The following INSYN2B variants were observed in gnomAD, a reference collection of about 807,000 sequenced individuals.
INSYN2B encodes the protein inhibitory synaptic factor family member 2B.
INSYN2B carries 16 observed loss-of-function variants against 41.2 expected under a neutral mutation model. That is an observed-to-expected ratio of 0.39 (90% confidence interval 0.26 to 0.59). The LOEUF is 0.59. INSYN2B is among the 20% of genes least tolerant of loss of function. INSYN2B has a pLI of 0.57. For synonymous variants in INSYN2B, 245 were observed against 244.4 expected (o/e 1.00, Z -0.02); for missense variants, 608 against 646.4 (o/e 0.94, Z 0.64).
At chr5:169,910,425 T>C (rs748146150) in intron 1 of INSYN2B, among the ~76,000 whole-genome samples, 3 of 152,190 alleles carry the variant, frequency 2.0e-5, no homozygotes, top group Non-Finnish European at 4.4e-5. Context: ...GATTTATTGC[T>C]TACTCTCTTA....
Position 169,954,796 on chromosome 5 carries a change from C to T in INSYN2B, c.-919+25481G>A, listed in dbSNP as rs535142727. Among the ~76,000 whole-genome samples the T allele has an allele frequency of 9.9e-5, 15 of 152,238 alleles. No individual in the cohort carries two copies. The East Asian group carries it at 1.2e-3, about 12-fold the overall frequency. On this transcript the variant is annotated intron_variant, in intron 1 of 3. Coordinates refer to ENST00000377365, the MANE Select transcript of INSYN2B (RefSeq NM_001129891.3). ...GGGGAGTGACCTCATGAGAGGTCAA[C>T]GCAGCTGATGCTGGGAAGGCTCATA...
intron 1 of INSYN2B, among the ~76,000 whole-genome samples, chr5:169,965,580 G>A (rs1246793978): frequency 6.6e-6 from 1 of 152,164 alleles, no homozygotes; most frequent in African/African-American, 2.4e-5. Context: ...GATCACCCAG[G>A]GAGCGTTAAA....
At chr5:169,912,142 GA>G (rs1279076848) in intron 1 of INSYN2B, among the ~76,000 whole-genome samples, 1 of 152,194 alleles carries the variant, frequency 6.6e-6, no homozygotes, top group Non-Finnish European at 1.5e-5. Flanking sequence ...ATAAAAAAAG[GA>G]AAGCGACTAT....
intron 1 of INSYN2B, chr5:169,934,948 G>A (rs535714809): frequency 4.8e-5 from 15 of 311,228 alleles, no homozygotes; most frequent in African/African-American, 2.7e-4. Context: ...AAGTGATTGT[G>A]CTATGCTGGA....
chr5:169,900,236 A>G (rs1210839324), intron 1 of INSYN2B, among the ~76,000 whole-genome samples: 1 of 152,214 alleles, frequency 6.6e-6, no homozygotes, highest in East Asian at 1.9e-4. Flanking sequence ...CCACCATCCC[A>G]GGCCCTAACC....
intron 1 of INSYN2B, among the ~76,000 whole-genome samples, chr5:169,935,507 G>A (rs1365941382): frequency 2.0e-5 from 3 of 152,146 alleles, no homozygotes; most frequent in Non-Finnish European, 4.4e-5. Flanking sequence ...TGCCACCTCT[G>A]GACAGCAGCC....
chr5:169,903,680 G>A (rs140810993), intron 1 of INSYN2B, among the ~76,000 whole-genome samples: 50 of 152,248 alleles, frequency 3.3e-4, no homozygotes, highest in African/African-American at 1.2e-3. Context: ...ACTTCCTAGA[G>A]GGTCGAACTT....
At position 169,963,288 on chromosome 5, in the gene INSYN2B, A is replaced by T. The variant is rs564887501; in HGVS notation, c.-919+16989T>A. Among the ~76,000 whole-genome samples, 3 of 152,150 alleles carry T rather than the reference A, an allele frequency of 2.0e-5. No individual in the cohort carries two copies. The East Asian group carries it at 5.8e-4, about 29-fold the overall frequency. On this transcript the variant is annotated intron_variant, in intron 1 of 3. Transcript: ENST00000377365. ...GATGACAGATCCCTTATTTTCTCTA[A>T]ATCAAATTAAATCCAACCCACAGCA...
At chr5:169,967,404 G>C (rs1777342536) in intron 1 of INSYN2B, among the ~76,000 whole-genome samples, 1 of 152,248 alleles carries the variant, frequency 6.6e-6, no homozygotes, top group South Asian at 2.1e-4. Flanking sequence ...CATGTGGTCA[G>C]GCTGTCAGAG....
intron 3 of INSYN2B, among the ~76,000 whole-genome samples, chr5:169,879,645 G>T (rs568173821): frequency 4.5e-4 from 68 of 152,182 alleles, no homozygotes; most frequent in Non-Finnish European, 5.4e-4. Flanking sequence ...TTAAGTGCTA[G>T]AAAAATGCAA....
intron 1 of INSYN2B, among the ~76,000 whole-genome samples, chr5:169,948,727 C>T (rs1272377374): frequency 2.0e-5 from 3 of 151,958 alleles, no homozygotes; most frequent in Middle Eastern, 3.4e-3. Flanking sequence ...ATTCTCCCAC[C>T]TCAGCCTCCC....
At chr5:169,943,074 T>A (rs1776304603) in intron 1 of INSYN2B, among the ~76,000 whole-genome samples, 1 of 152,212 alleles carries the variant, frequency 6.6e-6, no homozygotes, top group African/African-American at 2.4e-5. Flanking sequence ...TGCAGGTCTT[T>A]GGAACGCTCT....
intron 1 of INSYN2B, among the ~76,000 whole-genome samples, chr5:169,977,179 C>A (rs1777745785): frequency 6.6e-6 from 1 of 152,210 alleles, no homozygotes; most frequent in Non-Finnish European, 1.5e-5. Context: ...AAAGAACTGT[C>A]CCAGCATGCT....
At chr5:169,947,076 G>T (rs540459528) in intron 1 of INSYN2B, among the ~76,000 whole-genome samples, 1 of 152,264 alleles carries the variant, frequency 6.6e-6, no homozygotes, top group East Asian at 1.9e-4. Flanking sequence ...TGCAACATAC[G>T]TTTATCTTTA....
At chr5:169,902,522 C>G (rs902615800) in intron 1 of INSYN2B, among the ~76,000 whole-genome samples, 2 of 152,132 alleles carry the variant, frequency 1.3e-5, no homozygotes, top group African/African-American at 4.8e-5. Context: ...AGAGTGGTTT[C>G]TGGAAGGGAC....
At chr5:169,920,082 T>C (rs1169647696) in intron 1 of INSYN2B, among the ~76,000 whole-genome samples, 5 of 152,190 alleles carry the variant, frequency 3.3e-5, no homozygotes, top group African/African-American at 9.7e-5. Context: ...TGATTTTATC[T>C]CCGGTGAATA....
intron 1 of INSYN2B, among the ~76,000 whole-genome samples, chr5:169,910,292 G>A (rs758484459): frequency 6.6e-6 from 1 of 152,156 alleles, no homozygotes; most frequent in African/African-American, 2.4e-5. Context: ...GGTTACCACC[G>A]CATGGAATAT....
At chr5:169,938,237 TTTAGCACAA>T (rs1334335360) in intron 1 of INSYN2B, among the ~76,000 whole-genome samples, 1 of 152,034 alleles carries the variant, frequency 6.6e-6, no homozygotes, top group Non-Finnish European at 1.5e-5. Context: ...TTTTTTTTTT[TTTAGCACAA>T]AAGTAAATGT....
chr5:169,972,542 C>CAGAT (rs143089504), intron 1 of INSYN2B, among the ~76,000 whole-genome samples: 6,753 of 141,130 alleles, frequency 0.048, 241 homozygotes, highest in Non-Finnish European at 0.07. Context: ...CACTGTGAGA[C>CAGAT]AGATAGATAG....
Sources: allele counts gnomAD v4.1 joint callset (sites outside exome capture counted in the v4.1 genomes callset), GRCh38; gene constraint gnomAD v4.1.1; transcripts MANE v1.5; gene names NCBI Gene and HGNC (gene_info 2026-07-23, HGNC 2026-07-21).